DNAH12: variants seen among roughly 807,000 people sequenced by gnomAD.
DNAH12 encodes the protein dynein axonemal heavy chain 12, also known as axonemal beta dynein heavy chain 12.
DNAH12 carries 285 observed loss-of-function variants against 371.5 expected under a neutral mutation model. The ratio of observed to expected loss-of-function variants is 0.77; its 90% CI spans 0.70 to 0.85. The LOEUF (loss-of-function observed/expected upper bound fraction) is 0.85. Among genes scored for constraint, DNAH12 ranks in the 40% least tolerant of loss-of-function variants. The pLI is 0.00. For missense variants in DNAH12, 3,611 were observed against 3,689.4 expected (o/e 0.98, Z 0.55); for synonymous variants, 1,200 against 1,213.0 (o/e 0.99, Z 0.22).
rs2065798752 is a variant in DNAH12, at chr3:57,452,977, G to T, written c.3652C>A (p.Leu1218Ile). 6.4e-7 allele frequency: 1 copy of T among 1,550,454 alleles called. No homozygotes were observed. Among genetic ancestry groups the T allele is most frequent in the Non-Finnish European group, 8.7e-7 (1 of 1,146,848 alleles). ...HDTDFLWLAQ[L>I]RYYWENENAR... ...TTCTCATTTTCCCAATAATATCGGA[G>T]CTGAGCAAGCCACAGGAAATCTGTA... is the stretch of plus-strand genomic sequence containing the variant. The change falls in exon 25 of 74, where the codon CTC (leucine) becomes ATC (isoleucine). Residue 1218 changes from leucine to isoleucine, a missense_variant. Leu to Ile is a conservative substitution (Grantham distance 5). This residue lies in a region of DNAH12 where 31 missense variants were observed against 53.8 expected (regional missense o/e 0.58). Transcript: ENST00000495027.
At chr3:57,414,309 C>G (rs958663031) in intron 38 of DNAH12, among the ~76,000 whole-genome samples, 1 of 152,188 alleles carries the variant, frequency 6.6e-6, no homozygotes, top group Non-Finnish European at 1.5e-5. Context: ...AACATTTCTA[C>G]AAGTGTCACC....
At chr3:57,294,211 C>G (rs2061184722) in intron 73 of DNAH12, among the ~76,000 whole-genome samples, 1 of 138,932 alleles carries the variant, frequency 7.2e-6, no homozygotes, top group Non-Finnish European at 1.5e-5. Context: ...GAGTCTCACT[C>G]TGTCACCTAG....
chr3:57,477,524 C>A (rs2153382319), intron 13 of DNAH12, among the ~76,000 whole-genome samples: 1 of 152,264 alleles, frequency 6.6e-6, no homozygotes, highest in Middle Eastern at 3.4e-3. Context: ...CAAAAGGCAG[C>A]AGAATCCTCT....
chr3:57,545,878 T>C (rs1173828371), upstream of DNAH12, among the ~76,000 whole-genome samples: 1 of 152,172 alleles, frequency 6.6e-6, no homozygotes, highest in East Asian at 1.9e-4. Flanking sequence ...CTTTGTATAG[T>C]CAATGGGCTC....
At chr3:57,308,778 T>C (rs1009712704) in intron 69 of DNAH12, among the ~76,000 whole-genome samples, 1 of 152,220 alleles carries the variant, frequency 6.6e-6, no homozygotes, top group African/African-American at 2.4e-5. Context: ...ACTCTCTAAT[T>C]AGATGTCCTA....
intron 11 of DNAH12, among the ~76,000 whole-genome samples, chr3:57,493,078 A>G (rs575998630): frequency 2.4e-4 from 37 of 152,340 alleles, no homozygotes; most frequent in African/African-American, 8.4e-4. Flanking sequence ...TTTAGGACTT[A>G]TAGACACTAC....
intron 58 of DNAH12, among the ~76,000 whole-genome samples, chr3:57,357,562 G>GGGAAGGAGA (rs1243678106): frequency 6.6e-6 from 1 of 152,068 alleles, no homozygotes; most frequent in East Asian, 1.9e-4. Context: ...TGGAGGAAAG[G>GGGAAGGAGA]GGAAGGAGAG....
intron 44 of DNAH12, among the ~76,000 whole-genome samples, chr3:57,393,058 A>C (rs2063658724): frequency 6.6e-6 from 1 of 152,172 alleles, no homozygotes; most frequent in Non-Finnish European, 1.5e-5. Context: ...CTGGTAATGC[A>C]CCATTTACTG....
At chr3:57,406,162 C>A (rs534052462) in intron 40 of DNAH12, among the ~76,000 whole-genome samples, 57 of 151,926 alleles carry the variant, frequency 3.8e-4, no homozygotes, top group Admixed American at 6.6e-4. Context: ...ACAAGCCTGG[C>A]CAACATGGCA....
chr3:57,520,632 G>A (rs1392502760), intron 4 of DNAH12, among the ~76,000 whole-genome samples: 1 of 150,984 alleles, frequency 6.6e-6, no homozygotes, highest in Admixed American at 6.6e-5. Context: ...TAGTAGAGAC[G>A]GGGTTTCACC....
intron 52 of DNAH12, among the ~76,000 whole-genome samples, chr3:57,378,473 C>A (rs2063326640): frequency 6.6e-6 from 1 of 152,140 alleles, no homozygotes; most frequent in Non-Finnish European, 1.5e-5. Context: ...GGAAGACCTT[C>A]CCAATTATTA....
At chr3:57,517,983 A>T (rs2068260732) in intron 4 of DNAH12, among the ~76,000 whole-genome samples, 2 of 152,260 alleles carry the variant, frequency 1.3e-5, no homozygotes, top group South Asian at 4.1e-4. Context: ...GAGCCTGGAA[A>T]GCAGATGTTG....
intron 11 of DNAH12, chr3:57,498,560 T>C (rs1218588429): frequency 1.4e-6 from 1 of 716,944 alleles, no homozygotes; most frequent in Non-Finnish European, 2.6e-6. Context: ...AATGAAAGCA[T>C]ATGTCCGCAC....
At chr3:57,466,878 T>C (rs995141093) in intron 17 of DNAH12, among the ~76,000 whole-genome samples, 1 of 152,040 alleles carries the variant, frequency 6.6e-6, no homozygotes, top group Non-Finnish European at 1.5e-5. Context: ...CCCGAGTAGC[T>C]GGGACTTCAG....
At chr3:57,529,312 G>C (rs999448352) in intron 2 of DNAH12, among the ~76,000 whole-genome samples, 1 of 152,068 alleles carries the variant, frequency 6.6e-6, no homozygotes, top group Non-Finnish European at 1.5e-5. Context: ...AAGTAGCATT[G>C]GTATTAGTTC....
At position 57,431,768 on chromosome 3, in the gene DNAH12, T is replaced by G. The variant is rs528529640; in HGVS notation, c.4980+1599A>C. Among the ~76,000 whole-genome samples the G allele has an allele frequency of 5.9e-5, 9 of 152,312 alleles. No individual in the cohort carries two copies. In the East Asian group the frequency reaches 1.7e-3, roughly 29 times the overall value. Reference sequence around the variant, plus strand: ...TTTATGGTCTTCCACTCAATCAGGCTCTCAGTGCTACCCAGAAGTGCTTCT... The same window carrying G: ...TTTATGGTCTTCCACTCAATCAGGCGCTCAGTGCTACCCAGAAGTGCTTCT... On this transcript the variant is annotated intron_variant, in intron 32 of 73. Coordinates refer to ENST00000495027, the MANE Select transcript of DNAH12 (RefSeq NM_001366028.2).
At chr3:57,412,205 C>A (rs1268399256) in intron 39 of DNAH12, among the ~76,000 whole-genome samples, 1 of 152,116 alleles carries the variant, frequency 6.6e-6, no homozygotes, top group Non-Finnish European at 1.5e-5. Context: ...CATAGCAAGA[C>A]CCCTGTCTTT....
At chr3:57,506,967 T>A (rs998883939) in intron 8 of DNAH12, among the ~76,000 whole-genome samples, 6 of 151,742 alleles carry the variant, frequency 4.0e-5, no homozygotes, top group African/African-American at 1.5e-4. Context: ...ACAGTCCTCT[T>A]AAGAGGGTAA....
chr3:57,413,508 T>A (rs1294513305), intron 39 of DNAH12, among the ~76,000 whole-genome samples: 1 of 152,066 alleles, frequency 6.6e-6, no homozygotes, highest in Non-Finnish European at 1.5e-5. Flanking sequence ...GGTGGGGATG[T>A]TGAGATTGAG....
Sources: gnomAD v4.1 joint callset for allele counts (sites outside exome capture counted in the v4.1 genomes callset) on GRCh38, gnomAD v4.1.1 for gene constraint, gnomAD v4.1.1 regional missense constraint, MANE v1.5 for transcripts, NCBI Gene and HGNC (gene_info 2026-07-23, HGNC 2026-07-21) for gene names.